MCL1: variants seen among roughly 807,000 people sequenced by gnomAD.
The protein encoded by MCL1 is induced myeloid leukemia cell differentiation protein Mcl-1.
In MCL1, 4 loss-of-function variants were observed where a neutral mutation model predicts 24.2. The observed-to-expected ratio is 0.17, with a 90% CI of 0.08 to 0.38. The LOEUF is 0.38. Ranked by LOEUF, MCL1 falls within the 10% of genes least tolerant of loss-of-function variation. MCL1 has a pLI of 1.00. For missense variants in MCL1, 529 were observed against 480.3 expected, an observed-to-expected ratio of 1.10 and a Z score of -0.95; for synonymous variants, 248 against 214.0, an observed-to-expected ratio of 1.16 and a Z score of -1.39.
chr1:150,576,350 T>C lies in MCL1; in HGVS notation c.*1025A>G, dbSNP rs1221971999. ...TAGACCTAATTATTGAAAACTTGCA[T>C]ATAATGAAGTGAAAGAATTTCCATT... On this transcript the variant is annotated 3_prime_UTR_variant, in exon 3 of 3. Transcript: ENST00000369026. The C allele has an allele frequency of 1.7e-5, 4 of 232,730 alleles. No individual in the cohort carries two copies. The highest frequency in any genetic ancestry group is 3.4e-5 in the Non-Finnish European group (4 of 117,596). 14.4% of individuals were successfully genotyped at this position (232,730 alleles called of 1,614,324 possible).
chr1:150,576,901 CCTTGTACAGTA>C lies in MCL1; in HGVS notation c.*463_*473del, dbSNP rs1251621686. The C allele has an allele frequency of 3.4e-5, 8 of 234,540 alleles. No homozygotes were observed. Among genetic ancestry groups the C allele is most frequent in the Non-Finnish European group, 5.1e-5 (6 of 118,644 alleles). 14.5% of individuals were successfully genotyped at this position (234,540 alleles called of 1,614,324 possible). On this transcript the variant is annotated 3_prime_UTR_variant, in exon 3 of 3. Coordinates refer to ENST00000369026, the MANE Select transcript of MCL1 (RefSeq NM_021960.5). ...GCTAATTAGAGAGAGGAAAAGCTTC[CCTTGTACAGTA>C]CTGAGGCTTACAGTCATAGTTCTAT...
rs1570977893 is a variant in MCL1, at chr1:150,574,580, T to C, written c.*2795A>G. Reference sequence around the variant, plus strand: ...GTATTTGAATAAAAGATTTATTTTTTTTTCTCAGGAAAAACAGAAAGTTAG... The same window carrying C: ...GTATTTGAATAAAAGATTTATTTTTCTTTCTCAGGAAAAACAGAAAGTTAG... On this transcript the variant is annotated 3_prime_UTR_variant, in exon 3 of 3. Coordinates refer to ENST00000369026, the MANE Select transcript of MCL1 (RefSeq NM_021960.5). 6 of 229,368 alleles carry C rather than the reference T, an allele frequency of 2.6e-5. No individual in the cohort carries two copies. In the East Asian group the frequency reaches 3.1e-4, roughly 12 times the overall value. 14.2% of individuals were successfully genotyped at this position (229,368 alleles called of 1,614,324 possible). A position where few individuals can be genotyped will look rare whatever the true frequency, so the allele number is the denominator to read the frequency against.
Position 150,575,311 on chromosome 1 carries a change from AT to A in MCL1, c.*2063del, listed in dbSNP as rs1335038453. ...ATTCTTAGTCATCTTATTCATACCT[AT>A]TTTTAAATGGAGTCCACAGACTAAA... On this transcript the variant is annotated 3_prime_UTR_variant, in exon 3 of 3. Coordinates refer to ENST00000369026, the MANE Select transcript of MCL1 (RefSeq NM_021960.5). 4.3e-6 allele frequency: 1 copy of A among 233,174 alleles called. No homozygotes were observed. Among genetic ancestry groups the A allele is most frequent in the Admixed American group, 5.6e-5 (1 of 17,774 alleles). The allele number at this position is 233,174 out of a possible 1,614,324, so 14.4% of individuals were successfully genotyped here.
In MCL1 at chr1:150,579,480, C is replaced by A. The variant is rs1324396727; in HGVS notation, c.51G>T (p.Gly17=). The A allele has an allele frequency of 1.3e-6, 2 of 1,595,380 alleles. No individual in the cohort carries two copies. Among genetic ancestry groups the A allele is most frequent in the African/African-American group, 2.8e-5 (2 of 72,158 alleles). The change falls in exon 1 of 3, where the codon GGG becomes GGT. Residue 17 remains glycine, a synonymous_variant. Transcript: ENST00000369026. ...CGCTGCCGGCCCCCAAGCCGGCCCC[C>A]CCACAGTAGAGGTTGAGTCCGATTA... ...NAVIGLNLYC[G]GAGLGAGSGG... is the part of the protein sequence containing the mutation.
At position 150,577,474 on chromosome 1, in the gene MCL1, G is replaced by C. The variant is rs587629175; in HGVS notation, c.954C>G (p.Phe318Leu). ...KQRGWDGFVE[F>L]FHVEDLEGGI... ...CACCTTCTAGGTCCTCTACATGGAA[G>C]AACTCCACAAACCCATCCTAGAAAA... The change falls in exon 3 of 3, where the codon TTC (phenylalanine) becomes TTG (leucine). Residue 318 changes from phenylalanine (F) to leucine (L), a missense_variant. Phe to Leu is a conservative substitution (Grantham distance 22). Coordinates refer to ENST00000369026, the MANE Select transcript of MCL1 (RefSeq NM_021960.5). 1 of 1,611,312 alleles carries C rather than the reference G, an allele frequency of 6.2e-7. No individual in the cohort carries two copies. The highest frequency in any genetic ancestry group is 8.5e-7 in the Non-Finnish European group (1 of 1,179,112).
At position 150,579,070 on chromosome 1, in the gene MCL1, G is replaced by A. The variant is rs778329513; in HGVS notation, c.461C>T (p.Thr154Ile). ...LELVGESGNN[T>I]STDGSLPSTP... ...CGAGGGTAGTGACCCGTCCGTACTGGTGTTATTACCAGATTCCCCGACCAA... is the reference window on the plus strand; with the variant it reads ...CGAGGGTAGTGACCCGTCCGTACTGATGTTATTACCAGATTCCCCGACCAA... The change falls in exon 1 of 3, where the codon ACC becomes ATC. Residue 154 changes from threonine (T) to isoleucine (I), a missense_variant. By Grantham distance (89) the Thr-to-Ile change is moderately conservative. Coordinates refer to ENST00000369026, the MANE Select transcript of MCL1 (RefSeq NM_021960.5). The A allele has an allele frequency of 2.5e-6, 4 of 1,613,122 alleles. No individual in the cohort carries two copies. The East Asian group carries it at 6.7e-5, about 27-fold the overall frequency.
At position 150,577,468 on chromosome 1, in the gene MCL1, A is replaced by G. The variant is rs368871667; in HGVS notation, c.960T>C (p.His320=). ...TGATGCCACCTTCTAGGTCCTCTACATGGAAGAACTCCACAAACCCATCCT... is the reference window on the plus strand; with the variant it reads ...TGATGCCACCTTCTAGGTCCTCTACGTGGAAGAACTCCACAAACCCATCCT... ...RGWDGFVEFF[H]VEDLEGGIRN... is the part of the protein sequence containing the mutation. The change falls in exon 3 of 3, where the codon CAT becomes CAC. Residue 320 remains histidine, a synonymous_variant. Transcript: ENST00000369026. 17 of 1,611,916 alleles carry G rather than the reference A, an allele frequency of 1.1e-5. No individual in the cohort carries two copies. In the African/African-American group the frequency reaches 1.9e-4, roughly 18 times the overall value.
At position 150,575,024 on chromosome 1, in the gene MCL1, A is replaced by G. The variant is rs1391321649; in HGVS notation, c.*2351T>C. ...TGTATTTCCACAGTCATACCTAATG[A>G]ATTGGGAAGTGGGGCCCCTAAAAAC... is the stretch of plus-strand genomic sequence containing the variant. On this transcript the variant is annotated 3_prime_UTR_variant, in exon 3 of 3. Coordinates refer to ENST00000369026, the MANE Select transcript of MCL1 (RefSeq NM_021960.5). The G allele has an allele frequency of 1.7e-5, 4 of 233,326 alleles. No homozygotes were observed. Among genetic ancestry groups the G allele is most frequent in the African/African-American group, 6.6e-5 (3 of 45,436 alleles). 14.5% of individuals were successfully genotyped at this position (233,326 alleles called of 1,614,324 possible). A position where few individuals can be genotyped will look rare whatever the true frequency, so the allele number is the denominator to read the frequency against.
intron 1 of MCL1, 62 bp downstream of exon 1, chr1:150,578,781 G>T: frequency 1.3e-6 from 2 of 1,533,586 alleles, no homozygotes; most frequent in Non-Finnish European, 8.8e-7. Flanking sequence ...CCCTTGGCGG[G>T]TGAGTCCGGG....
rs1245371992 is a variant in MCL1, at chr1:150,579,332, A to C, written c.199T>G (p.Ser67Ala). 3 of 1,472,368 alleles carry C rather than the reference A, an allele frequency of 2.0e-6. No homozygotes were observed. Among genetic ancestry groups the C allele is most frequent in the Non-Finnish European group, 2.7e-6 (3 of 1,119,890 alleles). The allele number at this position is 1,472,368 out of a possible 1,614,324, so 91.2% of individuals were successfully genotyped here. Residue 67 changes from serine to alanine, a missense_variant, in exon 1 of 3, where the codon TCC becomes GCC. Ser to Ala is a moderately conservative substitution (Grantham distance 99). Transcript: ENST00000369026. ...CTCCGGGAGTCTGGCGTGAGGGTGG[A>C]CGGGGGGCTTGCGCCGGCGCTTCCG... is the stretch of plus-strand genomic sequence containing the variant. ...IGGSAGASPP[S>A]TLTPDSRRVA...
Position 150,578,304 on chromosome 1 carries a change from T to C in MCL1, c.876A>G (p.Glu292=). 1 of 1,614,236 alleles carries C rather than the reference T, an allele frequency of 6.2e-7. No homozygotes were observed. Among genetic ancestry groups the C allele is most frequent in the Non-Finnish European group, 8.5e-7 (1 of 1,180,038 alleles). ...NQESCIEPLA[E]SITDVLVRTK... ...TCCTTACGAGAACGTCTGTGATACT[T>C]TCTGCTAATGGTTCGATGCAGCTTT... Residue 292 remains glutamate (E), a synonymous_variant, in exon 2 of 3, where the codon GAA becomes GAG. Transcript: ENST00000369026.
chr1:150,579,602 G>A lies in MCL1; in HGVS notation c.-72C>T. The A allele has an allele frequency of 4.1e-6, 6 of 1,468,924 alleles. No homozygotes were observed. Among genetic ancestry groups the A allele is most frequent in the Non-Finnish European group, 5.5e-6 (6 of 1,081,206 alleles). 91.0% of individuals were successfully genotyped at this position (1,468,924 alleles called of 1,614,324 possible). A position where few individuals can be genotyped will look rare whatever the true frequency, so the allele number is the denominator to read the frequency against. ...GACTCCTTACTGGAAGGAAGCGGAA[G>A]TGAGAAGTGGCGAGCAGCTCCTTTA... On this transcript the variant is annotated 5_prime_UTR_variant, in exon 1 of 3. Coordinates refer to ENST00000369026, the MANE Select transcript of MCL1 (RefSeq NM_021960.5).
rs1647778088 is a variant in MCL1, at chr1:150,575,892, G to C, written c.*1483C>G. On this transcript the variant is annotated 3_prime_UTR_variant, in exon 3 of 3. Coordinates refer to ENST00000369026, the MANE Select transcript of MCL1 (RefSeq NM_021960.5). ...AGGAAATAAAAGGTTAAGTCTGATA[G>C]AACAAACATCAAGACTGAAATCCAA... 4.3e-6 allele frequency: 1 copy of C among 233,654 alleles called. No individual in the cohort carries two copies. The highest frequency in any genetic ancestry group is 1.3e-3 in the Middle Eastern group (1 of 786). The allele number at this position is 233,654 out of a possible 1,614,324, so 14.5% of individuals were successfully genotyped here.
At position 150,579,023 on chromosome 1, in the gene MCL1, C is replaced by G. The variant is rs1314309745; in HGVS notation, c.508G>C (p.Glu170Gln). The change falls in exon 1 of 3, where the codon GAG becomes CAG. Residue 170 changes from glutamate (E) to glutamine (Q), a missense_variant. Glu to Gln is a conservative substitution (Grantham distance 29). Coordinates refer to ENST00000369026, the MANE Select transcript of MCL1 (RefSeq NM_021960.5). ...GACTGCCGGTACAACTCGTCCTCCT[C>G]CTCCTCTGCTGGCGGCGGCGTCGAG... ...LPSTPPPAEE[E>Q]EDELYRQSLE... The G allele has an allele frequency of 3.1e-6, 5 of 1,613,658 alleles. No individual in the cohort carries two copies. The highest frequency in any genetic ancestry group is 3.4e-6 in the Non-Finnish European group (4 of 1,180,040).
Position 150,574,753 on chromosome 1 carries a change from T to C in MCL1, c.*2622A>G, listed in dbSNP as rs1472875502. ...ATGAAACACTAGAGGACTGCATGTT[T>C]TTCCCTGAGAGAAGCGTAAGACAAA... On this transcript the variant is annotated 3_prime_UTR_variant, in exon 3 of 3. Coordinates refer to ENST00000369026, the MANE Select transcript of MCL1 (RefSeq NM_021960.5). 4.3e-6 allele frequency: 1 copy of C among 233,088 alleles called. No homozygotes were observed. Among genetic ancestry groups the C allele is most frequent in the Non-Finnish European group, 8.5e-6 (1 of 117,746 alleles). The allele number at this position is 233,088 out of a possible 1,614,324, so 14.4% of individuals were successfully genotyped here. A position where few individuals can be genotyped will look rare whatever the true frequency, so the allele number is the denominator to read the frequency against.
chr1:150,578,185 A>T, intron 2 of MCL1, 59 bp downstream of exon 2: 1 of 1,568,090 alleles, frequency 6.4e-7, no homozygotes. Flanking sequence ...ACCTCTCTAA[A>T]AAAAATCCTT....
At position 150,575,220 on chromosome 1, in the gene MCL1, A is replaced by G. The variant is rs1178939056; in HGVS notation, c.*2155T>C. 1 of 233,192 alleles carries G rather than the reference A, an allele frequency of 4.3e-6. No homozygotes were observed. The highest frequency in any genetic ancestry group is 8.5e-6 in the Non-Finnish European group (1 of 117,828). The allele number at this position is 233,192 out of a possible 1,614,324, so 14.4% of individuals were successfully genotyped here. On this transcript the variant is annotated 3_prime_UTR_variant, in exon 3 of 3. Transcript: ENST00000369026. Reference sequence around the variant, plus strand: ...CAAGAACGATAAATACATAGGTAAAAATAGCTCTAGCAAAGATGACCTTAT... The same window carrying G: ...CAAGAACGATAAATACATAGGTAAAGATAGCTCTAGCAAAGATGACCTTAT...
In MCL1 at chr1:150,577,564, G is replaced by A. The variant is rs1020025787; in HGVS notation, c.937-73C>T. Reference sequence around the variant, plus strand: ...CTCTTACAACACTACTATCCAGAGAGAAGGTAAATTAAAATATCTAAGGTT... The same window carrying A: ...CTCTTACAACACTACTATCCAGAGAAAAGGTAAATTAAAATATCTAAGGTT... On this transcript the variant is annotated intron_variant, in intron 2 of 2. Transcript: ENST00000369026. 9.1e-6 allele frequency: 13 copies of A among 1,426,962 alleles called. No individual in the cohort carries two copies. In the Admixed American group the frequency reaches 1.7e-4, roughly 19 times the overall value. 88.4% of individuals were successfully genotyped at this position (1,426,962 alleles called of 1,614,324 possible).
rs1647754409 is a variant in MCL1, at chr1:150,575,411, CT to C, written c.*1963del. On this transcript the variant is annotated 3_prime_UTR_variant, in exon 3 of 3. Coordinates refer to ENST00000369026, the MANE Select transcript of MCL1 (RefSeq NM_021960.5). ...GACACTTTCTTCAGTTTATCAGTAGCTTTTAAACTCTGAGGTTTAACACAGC... is the reference window on the plus strand; with the variant it reads ...GACACTTTCTTCAGTTTATCAGTAGCTTTAAACTCTGAGGTTTAACACAGC... 1 of 232,758 alleles carries C rather than the reference CT, an allele frequency of 4.3e-6. No individual in the cohort carries two copies. The highest frequency in any genetic ancestry group is 5.6e-5 in the Admixed American group (1 of 17,760). The allele number at this position is 232,758 out of a possible 1,614,324, so 14.4% of individuals were successfully genotyped here. A position where few individuals can be genotyped will look rare whatever the true frequency, so the allele number is the denominator to read the frequency against.
Sources: allele counts gnomAD v4.1 joint callset, GRCh38; gene constraint gnomAD v4.1.1; transcripts MANE v1.5; gene names NCBI Gene and HGNC (gene_info 2026-07-23, HGNC 2026-07-21).